Variants in WSCD1 observed in about 807,000 individuals in gnomAD.
WSCD1 encodes WSC domain sialate O sulfotransferase 1.
In WSCD1, 41 loss-of-function variants were observed where a neutral mutation model predicts 60.4. The ratio of observed to expected loss-of-function variants is 0.68; its 90% CI spans 0.53 to 0.88. WSCD1 has a LOEUF of 0.88. WSCD1 is among the 40% of genes least tolerant of loss of function. WSCD1 has a pLI of 0.00. For missense variants in WSCD1, 784 were observed against 796.2 expected, an observed-to-expected ratio of 0.98 and a Z score of 0.18; for synonymous variants, 361 against 332.5, an observed-to-expected ratio of 1.09 and a Z score of -0.93.
rs895123356 is a variant in WSCD1, at chr17:6,124,272, C to T, written c.*3611C>T. On this transcript the variant is annotated 3_prime_UTR_variant, in exon 9 of 9. Transcript: ENST00000317744. Reference sequence around the variant, plus strand: ...GCCTTGGGATCATGACCAGGAATCACGTGAAGCTGACACCACTGAAGGGAG... The same window carrying T: ...GCCTTGGGATCATGACCAGGAATCATGTGAAGCTGACACCACTGAAGGGAG... The T allele has an allele frequency of 6.6e-6, 1 of 152,134 alleles. No individual in the cohort carries two copies. Among genetic ancestry groups the T allele is most frequent in the African/African-American group, 2.4e-5 (1 of 41,436 alleles). 9.4% of individuals were successfully genotyped at this position (152,134 alleles called of 1,614,324 possible). A position where few individuals can be genotyped will look rare whatever the true frequency, so the allele number is the denominator to read the frequency against.
At chr17:6,096,938 C>CG (rs1463121209) in intron 5 of WSCD1, among the ~76,000 whole-genome samples, 12 of 152,330 alleles carry the variant, frequency 7.9e-5, no homozygotes, top group Admixed American at 1.3e-4. Flanking sequence ...AGCCTTCCTG[C>CG]GGGGGGTTAT....
chr17:6,120,861 C>G lies in WSCD1; in HGVS notation c.*200C>G. The stretch of plus-strand genomic sequence containing the variant: ...GGCGAACACAAATGGACACACATAC[C>G]TGGCCACGAACCCACACCTCCTCAG... On this transcript the variant is annotated 3_prime_UTR_variant, in exon 9 of 9. Transcript: ENST00000317744. 1.6e-6 allele frequency: 1 copy of G among 613,082 alleles called. No individual in the cohort carries two copies. The highest frequency in any genetic ancestry group is 2.8e-6 in the Non-Finnish European group (1 of 353,982). The allele number at this position is 613,082 out of a possible 1,614,324, so 38.0% of individuals were successfully genotyped here. A position where few individuals can be genotyped will look rare whatever the true frequency, so the allele number is the denominator to read the frequency against.
chr17:6,070,930 C>G (rs1034504308), intron 1 of WSCD1, among the ~76,000 whole-genome samples: 20 of 151,670 alleles, frequency 1.3e-4, no homozygotes, highest in Non-Finnish European at 2.7e-4. Flanking sequence ...CGCGAGGCGC[C>G]GCACGAGCCG....
At chr17:6,081,625 C>T (rs1018400930) in intron 2 of WSCD1, among the ~76,000 whole-genome samples, 2 of 151,392 alleles carry the variant, frequency 1.3e-5, no homozygotes, top group African/African-American at 2.4e-5. Context: ...GTACCAGAAT[C>T]GCTGGAATCT....
At chr17:6,112,916 G>T (rs748461760) in intron 7 of WSCD1, among the ~76,000 whole-genome samples, 35 of 151,960 alleles carry the variant, frequency 2.3e-4, no homozygotes, top group Non-Finnish European at 4.6e-4. Context: ...AAATACCAAT[G>T]ACATTCTTCA....
At chr17:6,111,830 A>G (rs1003083849) in intron 7 of WSCD1, among the ~76,000 whole-genome samples, 27 of 152,126 alleles carry the variant, frequency 1.8e-4, no homozygotes, top group Non-Finnish European at 5.9e-5. Flanking sequence ...TAAAATAATG[A>G]TTTTAAGGAA....
intron 2 of WSCD1, among the ~76,000 whole-genome samples, chr17:6,084,522 C>A (rs778998846): frequency 6.6e-6 from 1 of 152,216 alleles, no homozygotes; most frequent in Non-Finnish European, 1.5e-5. Flanking sequence ...CTGTAAGGCG[C>A]GGAAGCTGCA....
At chr17:6,069,412 TGTGTGTGTGTGTGTGTGAGAGAGA>T (rs1035114472), upstream of WSCD1, 28 of 324,706 alleles carry the variant, frequency 8.6e-5, 1 homozygote, top group Middle Eastern at 7.1e-4. Context: ...TGTGTGTGTG[TGTGTGTGTGTGTGTGTGAGAGAGA>T]GAGAGAGAGA....
Position 6,109,670 on chromosome 17 carries a change from A to C in WSCD1, c.913A>C (p.Asn305His). 6.2e-7 allele frequency: 1 copy of C among 1,614,152 alleles called. No individual in the cohort carries two copies. The highest frequency in any genetic ancestry group is 1.1e-5 in the South Asian group (1 of 91,078). The change falls in exon 6 of 9, where the codon AAC (asparagine) becomes CAC (histidine). Residue 305 changes from asparagine to histidine, a missense_variant. By Grantham distance (68) the Asn-to-His change is moderately conservative. Coordinates refer to ENST00000317744, the MANE Select transcript of WSCD1 (RefSeq NM_015253.2). Reference protein sequence around the residue: ...CYCAYPTPRFNLRDAMDSSVC... With the variant: ...CYCAYPTPRFHLRDAMDSSVC... ...CTGTGCTTACCCTACCCCCCGGTTC[A>C]ACCTGCGGGATGCCATGGACAGCTC... is the stretch of plus-strand genomic sequence containing the variant.
At position 6,120,941 on chromosome 17, in the gene WSCD1, C is replaced by T. The variant is rs1190670151; in HGVS notation, c.*280C>T. On this transcript the variant is annotated 3_prime_UTR_variant, in exon 9 of 9. Coordinates refer to ENST00000317744, the MANE Select transcript of WSCD1 (RefSeq NM_015253.2). ...CCCGTCTTGATGCAGAGAAGCCACCCACGTGGGGTGTGCCAGGCACCCCCA... is the reference window on the plus strand; with the variant it reads ...CCCGTCTTGATGCAGAGAAGCCACCTACGTGGGGTGTGCCAGGCACCCCCA... 4 of 477,566 alleles carry T rather than the reference C, an allele frequency of 8.4e-6. No homozygotes were observed. Among genetic ancestry groups the T allele is most frequent in the East Asian group, 3.6e-5 (1 of 27,828 alleles). The allele number at this position is 477,566 out of a possible 1,614,324, so 29.6% of individuals were successfully genotyped here.
chr17:6,078,363 C>G (rs1909001249), intron 1 of WSCD1, among the ~76,000 whole-genome samples: 1 of 152,140 alleles, frequency 6.6e-6, no homozygotes, highest in Admixed American at 6.5e-5. Context: ...TGAGGGTCAG[C>G]AGGGGCTGTG....
intron 5 of WSCD1, 55 bp downstream of exon 5, chr17:6,095,278 TGA>T (rs1254291961): frequency 1.9e-6 from 3 of 1,560,508 alleles, no homozygotes; most frequent in Non-Finnish European, 2.6e-6. Context: ...GTGGTGGTCC[TGA>T]GAGAGGGGGG....
chr17:6,120,683 C>T lies in WSCD1; in HGVS notation c.*22C>T, dbSNP rs375078530. ...ATGATAGGCCTGGCCCACGCCGCCG[C>T]CCCCGCTGAGTGACGCAATCGCACC... On this transcript the variant is annotated 3_prime_UTR_variant, in exon 9 of 9. Coordinates refer to ENST00000317744, the MANE Select transcript of WSCD1 (RefSeq NM_015253.2). The T allele has an allele frequency of 8.5e-5, 135 of 1,587,216 alleles. No homozygotes were observed. The African/African-American group carries it at 1.6e-3, about 19-fold the overall frequency.
chr17:6,104,501 A>G (rs1910978358), intron 5 of WSCD1, among the ~76,000 whole-genome samples: 1 of 152,320 alleles, frequency 6.6e-6, no homozygotes, highest in Admixed American at 6.5e-5. Flanking sequence ...CACTCCCAGC[A>G]TCTGCCTCTC....
At chr17:6,106,268 A>G (rs913667858) in intron 5 of WSCD1, among the ~76,000 whole-genome samples, 1 of 152,262 alleles carries the variant, frequency 6.6e-6, no homozygotes, top group African/African-American at 2.4e-5. Context: ...TTTACCCATG[A>G]GAAATGCAAA....
At chr17:6,108,404 G>A (rs1013359224) in intron 5 of WSCD1, among the ~76,000 whole-genome samples, 2 of 152,072 alleles carry the variant, frequency 1.3e-5, no homozygotes, top group African/African-American at 4.8e-5. Context: ...ATCTCTCTAC[G>A]CTCCAAAAGT....
At chr17:6,111,929 A>T (rs766394887) in intron 7 of WSCD1, among the ~76,000 whole-genome samples, 1 of 152,224 alleles carries the variant, frequency 6.6e-6, no homozygotes, top group Non-Finnish European at 1.5e-5. Context: ...CGATAGAAAT[A>T]GATATCATAC....
At chr17:6,084,206 T>G (rs1909470626) in intron 2 of WSCD1, among the ~76,000 whole-genome samples, 1 of 152,210 alleles carries the variant, frequency 6.6e-6, no homozygotes, top group Non-Finnish European at 1.5e-5. Flanking sequence ...CTCCATAGGT[T>G]GTCAAGTATT....
At position 6,123,704 on chromosome 17, in the gene WSCD1, T is replaced by G. The variant is rs1224444980; in HGVS notation, c.*3043T>G. 1 of 152,132 alleles carries G rather than the reference T, an allele frequency of 6.6e-6. No individual in the cohort carries two copies. Among genetic ancestry groups the G allele is most frequent in the Non-Finnish European group, 1.5e-5 (1 of 68,018 alleles). The allele number at this position is 152,132 out of a possible 1,614,324, so 9.4% of individuals were successfully genotyped here. ...TTGGAGGTATCTGAAATGTGATGAC[T>G]CCAAAGGGGTTCATTTCACTATAGG... On this transcript the variant is annotated 3_prime_UTR_variant, in exon 9 of 9. Coordinates refer to ENST00000317744, the MANE Select transcript of WSCD1 (RefSeq NM_015253.2).
Sources: gnomAD v4.1 joint callset for allele counts (sites outside exome capture counted in the v4.1 genomes callset) on GRCh38, gnomAD v4.1.1 for gene constraint, MANE v1.5 for transcripts, NCBI Gene and HGNC (gene_info 2026-07-23, HGNC 2026-07-21) for gene names.